CUEDC1: variants seen among roughly 807,000 people sequenced by gnomAD.
CUEDC1 encodes CUE domain containing 1.
Under a neutral mutation model 43.7 loss-of-function variants are expected in CUEDC1, and 30 were observed. The ratio of observed to expected loss-of-function variants is 0.69; its 90% CI spans 0.51 to 0.93. The LOEUF is 0.93. Among genes scored for constraint, CUEDC1 ranks in the 40% least tolerant of loss-of-function variants. The pLI is 0.00. For synonymous variants in CUEDC1, 223 were observed against 223.6 expected, an observed-to-expected ratio of 1.00 and a Z score of 0.02; for missense variants, 486 against 549.0, an observed-to-expected ratio of 0.89 and a Z score of 1.15.
At chr17:57,914,224 T>G (rs2074614512) in intron 1 of CUEDC1, among the ~76,000 whole-genome samples, 1 of 152,214 alleles carries the variant, frequency 6.6e-6, no homozygotes, top group South Asian at 2.1e-4. Flanking sequence ...ACAGTTATCC[T>G]AGGCACATTT....
intron 1 of CUEDC1, among the ~76,000 whole-genome samples, chr17:57,944,448 G>C (rs895989806): frequency 2.6e-5 from 4 of 152,162 alleles, no homozygotes; most frequent in African/African-American, 9.7e-5. Flanking sequence ...GACCTCAGGT[G>C]ATCTGCCCGC....
chr17:57,922,408 T>C (rs181268292), intron 1 of CUEDC1: 1 of 152,214 alleles, frequency 6.6e-6, no homozygotes, highest in Non-Finnish European at 1.5e-5. Context: ...GACATGAATC[T>C]GGGGATTAAA....
chr17:57,885,599 G>C lies in CUEDC1; in HGVS notation c.-35C>G. ...CCGCTTGGGGAAAATGTTTCTAGCC[G>C]GCCGCAAAGCCCCTTCCCCAGGGTC... On this transcript the variant is annotated 5_prime_UTR_variant, in exon 2 of 11. Transcript: ENST00000577830. 1.5e-6 allele frequency: 2 copies of C among 1,345,194 alleles called. No individual in the cohort carries two copies. The allele number at this position is 1,345,194 out of a possible 1,614,324, so 83.3% of individuals were successfully genotyped here. A position where few individuals can be genotyped will look rare whatever the true frequency, so the allele number is the denominator to read the frequency against.
At chr17:57,925,935 C>T (rs370045766) in intron 1 of CUEDC1, among the ~76,000 whole-genome samples, 1 of 152,180 alleles carries the variant, frequency 6.6e-6, no homozygotes, top group South Asian at 2.1e-4. Flanking sequence ...CCAGAGGTGG[C>T]AAGGGTGGTC....
intron 1 of CUEDC1, among the ~76,000 whole-genome samples, chr17:57,922,048 G>A (rs2074703417): frequency 6.6e-6 from 1 of 152,182 alleles, no homozygotes; most frequent in South Asian, 2.1e-4. Flanking sequence ...AGGAGGTGGA[G>A]GTTGCAGTGA....
At chr17:57,869,541 A>T (rs774370728) in intron 6 of CUEDC1, among the ~76,000 whole-genome samples, 3 of 152,176 alleles carry the variant, frequency 2.0e-5, no homozygotes, top group Non-Finnish European at 4.4e-5. Context: ...AGCACTACAT[A>T]TCAGGCTCCC....
At position 57,864,690 on chromosome 17, in the gene CUEDC1, G is replaced by GGGA. The variant is rs200647688; in HGVS notation, c.*4-1408_*4-1406dup. Reference sequence around the variant, plus strand: ...GACTCAAGGACCCTTGGTGTTTAAGGGGAGGAGGAGGAGGATGTCAACTTG... The same window carrying GGGA: ...GACTCAAGGACCCTTGGTGTTTAAGGGGAGGAGGAGGAGGAGGATGTCAACTTG... On this transcript the variant is annotated intron_variant, in intron 10 of 10. Coordinates refer to ENST00000577830, the MANE Select transcript of CUEDC1 (RefSeq NM_001271875.2). 4.5e-3 allele frequency among the ~76,000 whole-genome samples: 681 copies of GGGA among 152,192 alleles called. 7 individuals carry two copies. The highest frequency in any genetic ancestry group is 0.015 in the African/African-American group (638 of 41,520).
At chr17:57,909,584 CGT>C in intron 1 of CUEDC1, among the ~76,000 whole-genome samples, 2 of 152,196 alleles carry the variant, frequency 1.3e-5, no homozygotes, top group East Asian at 3.9e-4. Context: ...AAGATCAAAG[CGT>C]TGGCTGTTTC....
intron 1 of CUEDC1, among the ~76,000 whole-genome samples, chr17:57,896,753 T>C (rs1226886190): frequency 6.6e-6 from 1 of 150,884 alleles, no homozygotes; most frequent in African/African-American, 2.4e-5. Context: ...GATTTTTATA[T>C]CTTTTTCTTC....
chr17:57,933,114 C>T (rs1179355933), intron 1 of CUEDC1, among the ~76,000 whole-genome samples: 1 of 152,028 alleles, frequency 6.6e-6, no homozygotes, highest in Non-Finnish European at 1.5e-5. Flanking sequence ...CCCTGGCTGC[C>T]CAATAGAAAC....
In CUEDC1 at chr17:57,896,340, T is replaced by C. The variant is rs576727560; in HGVS notation, c.-315-10461A>G. ...AGCAGGCTGATGAAAATATGATACATTATCAGCATCCTCCTCTCTCTATAT... is the reference window on the plus strand; with the variant it reads ...AGCAGGCTGATGAAAATATGATACACTATCAGCATCCTCCTCTCTCTATAT... On this transcript the variant is annotated intron_variant, in intron 1 of 10. Transcript: ENST00000577830. Among the ~76,000 whole-genome samples, 3 of 152,274 alleles carry C rather than the reference T, an allele frequency of 2.0e-5. No homozygotes were observed. The East Asian group carries it at 5.8e-4, about 29-fold the overall frequency.
At chr17:57,869,263 C>G in intron 6 of CUEDC1, 70 bp from the exon 7 acceptor site, 2 of 1,353,490 alleles carry the variant, frequency 1.5e-6, no homozygotes, top group Non-Finnish European at 2.1e-6. Flanking sequence ...CCCTACCCAC[C>G]CATCTGAGGA....
intron 1 of CUEDC1, among the ~76,000 whole-genome samples, chr17:57,896,767 CTTTTTT>C (rs747788787): frequency 8.9e-6 from 1 of 112,266 alleles, no homozygotes; most frequent in East Asian, 2.4e-4. Context: ...TTTCTTCTTT[CTTTTTT>C]TTTTTTTTTT....
chr17:57,899,163 G>C (rs1567710492), intron 1 of CUEDC1, among the ~76,000 whole-genome samples: 1 of 152,278 alleles, frequency 6.6e-6, no homozygotes, highest in East Asian at 1.9e-4. Flanking sequence ...CAGGCAGCCG[G>C]GACACCATCA....
intron 2 of CUEDC1, among the ~76,000 whole-genome samples, chr17:57,882,337 G>A (rs941429714): frequency 6.6e-6 from 1 of 151,726 alleles, no homozygotes; most frequent in East Asian, 1.9e-4. Flanking sequence ...GAGGGGAGGG[G>A]TACCGGGAGG....
At chr17:57,881,558 G>A (rs8078149) in intron 2 of CUEDC1, among the ~76,000 whole-genome samples, 31,843 of 152,182 alleles carry the variant, frequency 0.21, 4,772 homozygotes, top group African/African-American at 0.42. Context: ...TTCTCTGAGG[G>A]ATAGGGCTTT....
rs553126155 is a variant in CUEDC1, at chr17:57,911,802, C to T, written c.-315-25923G>A. On this transcript the variant is annotated intron_variant, in intron 1 of 10. Transcript: ENST00000577830. ...GATTACAGGCATGAGCCACCGTGCC[C>T]GTCCCTATCAGCTCTTAAGGGCAGA... 2.8e-3 allele frequency among the ~76,000 whole-genome samples: 419 copies of T among 152,268 alleles called. 1 individual carries two copies. Among genetic ancestry groups the T allele is most frequent in the Non-Finnish European group, 3.9e-3 (262 of 68,022 alleles).
intron 1 of CUEDC1, among the ~76,000 whole-genome samples, chr17:57,935,402 CACAA>C (rs1326622905): frequency 3.4e-5 from 5 of 147,764 alleles, no homozygotes; most frequent in South Asian, 2.2e-4. Context: ...CACACACACA[CACAA>C]ACACACACAC....
intron 1 of CUEDC1, among the ~76,000 whole-genome samples, chr17:57,938,766 G>A (rs1033370449): frequency 1.4e-4 from 21 of 151,918 alleles, no homozygotes; most frequent in African/African-American, 3.9e-4. Flanking sequence ...GGGTTCGAGC[G>A]ATTCTCCTGC....
Sources: gnomAD v4.1 joint callset for allele counts (sites outside exome capture counted in the v4.1 genomes callset) on GRCh38, gnomAD v4.1.1 for gene constraint, MANE v1.5 for transcripts, NCBI Gene and HGNC (gene_info 2026-07-23, HGNC 2026-07-21) for gene names.